The following UBR4 variants were observed in gnomAD, a reference collection of about 807,000 sequenced individuals.
UBR4 encodes the protein E3 ubiquitin-protein ligase UBR4.
Under a neutral mutation model 575.6 loss-of-function variants are expected in UBR4, and 124 were observed. The ratio of observed to expected loss-of-function variants is 0.22; its 90% CI spans 0.19 to 0.25. UBR4 has a LOEUF of 0.25. Among genes scored for constraint, UBR4 ranks in the 10% least tolerant of loss-of-function variants. UBR4 has a pLI of 1.00. For synonymous variants in UBR4, 2,455 were observed against 2,473.7 expected (o/e 0.99, Z 0.22); for missense variants, 4,818 against 6,478.8 (o/e 0.74, Z 8.80).
chr1:19,192,435 G>C, intron 10 of UBR4, 46 bp downstream of exon 10: 1 of 1,614,124 alleles, frequency 6.2e-7, no homozygotes. Context: ...ACATCTCAGA[G>C]AGGACAAGAT....
intron 50 of UBR4, 146 bp from the exon 51 acceptor site, chr1:19,148,273 T>C: frequency 1.8e-6 from 2 of 1,097,434 alleles, no homozygotes; most frequent in Non-Finnish European, 2.5e-6. Context: ...AAAAAAAGTT[T>C]CAGAAATTAT....
In UBR4 at chr1:19,150,952, T is replaced by C. The variant is rs141132946; in HGVS notation, c.7214-159A>G. ...AGATATTTGCAGCACTTTAATCGTG[T>C]ATATATGCTGAATACATGTGGTAAA... On this transcript the variant is annotated intron_variant, in intron 48 of 105. Transcript: ENST00000375254. The C allele has an allele frequency of 4.1e-6, 3 of 739,268 alleles. No individual in the cohort carries two copies. In the African/African-American group the frequency reaches 5.3e-5, roughly 13 times the overall value. 45.8% of individuals were successfully genotyped at this position (739,268 alleles called of 1,614,324 possible). A position where few individuals can be genotyped will look rare whatever the true frequency, so the allele number is the denominator to read the frequency against.
intron 52 of UBR4, 43 bp from the exon 53 acceptor site, chr1:19,145,976 A>G (rs1448552746): frequency 2.5e-6 from 4 of 1,612,804 alleles, no homozygotes; most frequent in Non-Finnish European, 3.4e-6. Context: ...TAAATCTGAG[A>G]TGGAATTTAA....
rs773609811 is a variant in UBR4, at chr1:19,164,938, A to G, written c.4372T>C (p.Cys1458Arg). 11 of 1,614,094 alleles carry G rather than the reference A, an allele frequency of 6.8e-6. No individual in the cohort carries two copies. The Admixed American group carries it at 1.7e-4, about 24-fold the overall frequency. ...HLCGSLAQLA[C>R]VEPVRLQAWL... is the part of the protein sequence containing the mutation. ...GCCTGCAGGCGCACAGGTTCCACAC[A>G]GGCCAGTTGTGCCAGGGAGCCACAG... The change falls in exon 32 of 106, where the codon TGT (cysteine) becomes CGT (arginine). Residue 1458 changes from cysteine (C) to arginine (R), a missense_variant. Cys to Arg is a radical substitution (Grantham distance 180). Around this residue, in one of 29 missense-constraint regions of UBR4, gnomAD observed 1,172 missense variants for 1,259.7 expected, o/e 0.93. Transcript: ENST00000375254.
intron 105 of UBR4, 50 bp downstream of exon 105, chr1:19,076,690 A>G: frequency 1.2e-6 from 2 of 1,612,848 alleles, no homozygotes; most frequent in Non-Finnish European, 1.7e-6. Context: ...GGAGGAAGAC[A>G]TGGGGCTTTG....
intron 81 of UBR4, among the ~76,000 whole-genome samples, chr1:19,108,628 C>A (rs1160142202): frequency 2.0e-5 from 3 of 152,160 alleles, no homozygotes; most frequent in Non-Finnish European, 2.9e-5. Context: ...TGAAGAACTG[C>A]ACAGGGCCAC....
intron 60 of UBR4, among the ~76,000 whole-genome samples, chr1:19,135,328 C>T (rs886732661): frequency 3.3e-5 from 5 of 152,142 alleles, no homozygotes; most frequent in Non-Finnish European, 5.9e-5. Flanking sequence ...TTATAATAAG[C>T]TATAATTCTA....
chr1:19,135,613 T>C (rs1048315437), intron 60 of UBR4, among the ~76,000 whole-genome samples: 1 of 152,158 alleles, frequency 6.6e-6, no homozygotes, highest in South Asian at 2.1e-4. Context: ...TTATTCCTAT[T>C]TGATGTTTTT....
At chr1:19,193,909 T>C (rs756695497) in intron 8 of UBR4, among the ~76,000 whole-genome samples, 1 of 152,176 alleles carries the variant, frequency 6.6e-6, no homozygotes, top group Non-Finnish European at 1.5e-5. Context: ...GGAGGAACTA[T>C]ATGCATACTG....
chr1:19,200,847 G>C (rs2092710478), intron 2 of UBR4, among the ~76,000 whole-genome samples: 1 of 152,074 alleles, frequency 6.6e-6, no homozygotes, highest in Admixed American at 6.5e-5. Flanking sequence ...TACTTGCTTA[G>C]CAAACTGTTC....
chr1:19,104,654 G>A lies in UBR4; in HGVS notation c.12658C>T (p.Leu4220=). 2 of 1,614,094 alleles carry A rather than the reference G, an allele frequency of 1.2e-6. No homozygotes were observed. Among genetic ancestry groups the A allele is most frequent in the Non-Finnish European group, 1.7e-6 (2 of 1,179,998 alleles). ...AGGGTAGCCTCCTCCAGGGCCAGCA[G>A]ACGAGCTATTTCCTAAACAGGATGA... ...GNLITKEIAR[L]LALEEATLST... is the part of the protein sequence containing the mutation. Residue 4220 remains leucine, a synonymous_variant, in exon 86 of 106, where the codon CTG becomes TTG. Transcript: ENST00000375254.
At chr1:19,120,434 A>T in intron 68 of UBR4, 86 bp from the exon 69 acceptor site, 1 of 1,483,960 alleles carries the variant, frequency 6.7e-7, no homozygotes. Flanking sequence ...ATGGTGAGGG[A>T]GGGAATTCTG....
At chr1:19,141,596 G>C (rs1395126054) in intron 56 of UBR4, 51 bp downstream of exon 56, 4 of 1,607,482 alleles carry the variant, frequency 2.5e-6, no homozygotes, top group African/African-American at 2.7e-5. Flanking sequence ...ATAAGAGCTA[G>C]AGGAGAGTTG....
Position 19,179,209 on chromosome 1 carries a change from C to A in UBR4, c.2196G>T (p.Leu732Phe). The A allele has an allele frequency of 6.3e-7, 1 of 1,578,018 alleles. No individual in the cohort carries two copies. The highest frequency in any genetic ancestry group is 1.4e-5 in the African/African-American group (1 of 72,494). ...LQSPNLQNTL[L>F]QQLGVAPFSE... ...AAAAAGGAGCCACTCCTAGCTGCTG[C>A]AACAGTGTGTTCTGACAAGAAAGAC... Residue 732 changes from leucine to phenylalanine, a missense_variant, in exon 18 of 106, where the codon TTG (leucine) becomes TTT (phenylalanine). By Grantham distance (22) the Leu-to-Phe change is conservative. Coordinates refer to ENST00000375254, the MANE Select transcript of UBR4 (RefSeq NM_020765.3).
chr1:19,098,932 G>C (rs1010787290), intron 90 of UBR4, among the ~76,000 whole-genome samples: 4 of 152,102 alleles, frequency 2.6e-5, no homozygotes, highest in African/African-American at 7.2e-5. Flanking sequence ...AGAAATGGCA[G>C]GGGGAGAGAG....
At chr1:19,116,672 G>A (rs2080573155) in intron 73 of UBR4, among the ~76,000 whole-genome samples, 1 of 152,190 alleles carries the variant, frequency 6.6e-6, no homozygotes, top group South Asian at 2.1e-4. Flanking sequence ...TAACCCATGT[G>A]AGTGCCTCTC....
In UBR4 at chr1:19,168,094, G is replaced by T; in HGVS notation, c.3832C>A (p.Leu1278Met). The change falls in exon 28 of 106, where the codon CTG (leucine) becomes ATG (methionine). Residue 1278 changes from leucine to methionine, a missense_variant. Coordinates refer to ENST00000375254, the MANE Select transcript of UBR4 (RefSeq NM_020765.3). The stretch of plus-strand genomic sequence containing the variant: ...TGCTTCAGGGAAGCAGCCAGGGGCA[G>T]ACTTTGGCTACAGAGAGTCCCCAGG... ...AHLGTLCSQSLPLAASLKHTL... is the reference protein window; with the variant it reads ...AHLGTLCSQSMPLAASLKHTL... 2 of 1,613,880 alleles carry T rather than the reference G, an allele frequency of 1.2e-6. No homozygotes were observed. Among genetic ancestry groups the T allele is most frequent in the Non-Finnish European group, 1.7e-6 (2 of 1,179,774 alleles).
intron 8 of UBR4, among the ~76,000 whole-genome samples, chr1:19,196,037 C>T (rs2092437169): frequency 6.7e-6 from 1 of 149,434 alleles, no homozygotes. Context: ...TAGTATGTTC[C>T]CCCAAACTCT....
At chr1:19,083,743 A>G (rs774449932) in intron 102 of UBR4, among the ~76,000 whole-genome samples, 10 of 152,150 alleles carry the variant, frequency 6.6e-5, no homozygotes, top group Non-Finnish European at 1.2e-4. Flanking sequence ...TATGTTGCTT[A>G]GGCTGGGCTC....
Sources: gnomAD v4.1 joint callset for allele counts (sites outside exome capture counted in the v4.1 genomes callset) on GRCh38, gnomAD v4.1.1 for gene constraint, gnomAD v4.1.1 regional missense constraint, MANE v1.5 for transcripts, NCBI Gene and HGNC (gene_info 2026-07-23, HGNC 2026-07-21) for gene names.